The following SLC39A11 variants were observed in gnomAD, a reference collection of about 807,000 sequenced individuals.
The protein encoded by SLC39A11 is solute carrier family 39 member 11.
A neutral mutation model predicts 36.1 loss-of-function variants in SLC39A11; 33 were observed. The observed-to-expected ratio is 0.91, with a 90% confidence interval of 0.69 to 1.22. The LOEUF (loss-of-function observed/expected upper bound fraction) is 1.22. Among genes scored for constraint, SLC39A11 ranks in the 50% most tolerant of loss-of-function variants. The pLI is 0.00. For missense variants in SLC39A11, 432 were observed against 430.3 expected (o/e 1.00, Z -0.03); for synonymous variants, 166 against 170.3 (o/e 0.97, Z 0.20).
chr17:72,900,226 A>AAAGG lies in SLC39A11; in HGVS notation c.430+47525_430+47526insCCTT, dbSNP rs1167967388. On this transcript the variant is annotated intron_variant, in intron 5 of 9. Transcript: ENST00000255559. ...GAAAGAAAGAAAGAAAGAAAGAAAG[A>AAAGG]AAGAAAAAGACAGCAAGGCAAGGAG... Among the ~76,000 whole-genome samples, 49 of 151,246 alleles carry AAAGG rather than the reference A, an allele frequency of 3.2e-4. 2 individuals are homozygous for AAAGG. The South Asian group carries it at 3.6e-3, about 11-fold the overall frequency.
Position 72,990,414 on chromosome 17 carries a change from AT to A in SLC39A11, c.306+41141del, listed in dbSNP as rs905569371. On this transcript the variant is annotated intron_variant, in intron 4 of 9. Coordinates refer to ENST00000255559, the MANE Select transcript of SLC39A11 (RefSeq NM_139177.4). Reference sequence around the variant, plus strand: ...AAACACATTTCCTTTTCCTATCAGGATTTTTTTTCTCTCTCTTTTTCAAGAT... The same window carrying A: ...AAACACATTTCCTTTTCCTATCAGGATTTTTTTCTCTCTCTTTTTCAAGAT... 2.6e-5 allele frequency among the ~76,000 whole-genome samples: 4 copies of A among 152,052 alleles called. No homozygotes were observed. The South Asian group carries it at 8.3e-4, about 32-fold the overall frequency.
intron 4 of SLC39A11, among the ~76,000 whole-genome samples, chr17:73,004,236 G>GAAAGA (rs1598809773): frequency 7.0e-6 from 1 of 143,412 alleles, no homozygotes; most frequent in African/African-American, 2.5e-5. Context: ...AGAAAGAAAA[G>GAAAGA]AAAGAAAGAG....
At chr17:73,049,654 A>T (rs2059429827) in intron 3 of SLC39A11, among the ~76,000 whole-genome samples, 1 of 152,200 alleles carries the variant, frequency 6.6e-6, no homozygotes, top group Admixed American at 6.5e-5. Flanking sequence ...CAGCATTAAT[A>T]AATTCTGCAA....
At chr17:72,865,410 C>G (rs1281221607) in intron 5 of SLC39A11, among the ~76,000 whole-genome samples, 3 of 92,244 alleles carry the variant, frequency 3.3e-5, no homozygotes, top group Admixed American at 2.3e-4. Flanking sequence ...AAAAACTGCT[C>G]GAAAAAAAAA....
At chr17:72,678,234 C>A (rs752876610) in intron 7 of SLC39A11, among the ~76,000 whole-genome samples, 18 of 152,192 alleles carry the variant, frequency 1.2e-4, no homozygotes, top group Non-Finnish European at 2.4e-4. Context: ...ATTTAAGTGC[C>A]TTGTGGGTTA....
At chr17:73,041,016 A>AAAAAAC (rs1568173352) in intron 3 of SLC39A11, among the ~76,000 whole-genome samples, 3 of 100,556 alleles carry the variant, frequency 3.0e-5, no homozygotes, top group East Asian at 3.7e-4. Flanking sequence ...AAACAAAAAA[A>AAAAAAC]AAAAACAGTA....
At chr17:72,682,528 G>T (rs116765289) in intron 7 of SLC39A11, among the ~76,000 whole-genome samples, 1 of 152,172 alleles carries the variant, frequency 6.6e-6, no homozygotes, top group Non-Finnish European at 1.5e-5. Flanking sequence ...GGAGGGGGCC[G>T]GTGCCCCCAA....
chr17:73,036,378 G>A (rs1014794897), intron 3 of SLC39A11, among the ~76,000 whole-genome samples: 1 of 152,088 alleles, frequency 6.6e-6, no homozygotes, highest in Non-Finnish European at 1.5e-5. Context: ...AATTGATACA[G>A]CTGATGAACC....
chr17:73,001,327 G>A (rs996700137), intron 4 of SLC39A11, among the ~76,000 whole-genome samples: 5 of 145,172 alleles, frequency 3.4e-5, no homozygotes, highest in African/African-American at 1.3e-4. Context: ...TCTGGAACTA[G>A]AACCTGACTG....
intron 6 of SLC39A11, among the ~76,000 whole-genome samples, chr17:72,796,225 G>A (rs529075473): frequency 4.6e-5 from 7 of 152,172 alleles, no homozygotes; most frequent in East Asian, 1.9e-4. Flanking sequence ...TCCAACACAC[G>A]AGACAGAAGA....
chr17:73,004,827 T>C (rs2090093261), intron 4 of SLC39A11, among the ~76,000 whole-genome samples: 2 of 152,170 alleles, frequency 1.3e-5, no homozygotes, highest in Non-Finnish European at 2.9e-5. Flanking sequence ...TTCTGGCCCA[T>C]TCCCTTGGGA....
intron 6 of SLC39A11, among the ~76,000 whole-genome samples, chr17:72,824,992 T>C (rs1321241199): frequency 6.6e-6 from 1 of 151,336 alleles, no homozygotes; most frequent in African/African-American, 2.4e-5. Context: ...AAACCCATTT[T>C]CTAGGGAAAA....
At chr17:72,723,621 C>A (rs2143641373) in intron 7 of SLC39A11, among the ~76,000 whole-genome samples, 1 of 152,272 alleles carries the variant, frequency 6.6e-6, no homozygotes, top group Non-Finnish European at 1.5e-5. Flanking sequence ...TGAGGTGATA[C>A]ATTTACTTTT....
chr17:72,864,583 T>C (rs1282615635), intron 5 of SLC39A11, among the ~76,000 whole-genome samples: 4 of 152,248 alleles, frequency 2.6e-5, no homozygotes, highest in Non-Finnish European at 5.9e-5. Flanking sequence ...AAAACGTGTC[T>C]TGGGGTCGAT....
chr17:72,863,611 AC>A (rs1238558479), intron 5 of SLC39A11, among the ~76,000 whole-genome samples: 1 of 151,960 alleles, frequency 6.6e-6, no homozygotes, highest in African/African-American at 2.4e-5. Flanking sequence ...GCAAGTTCTG[AC>A]CTCCTCACTG....
At chr17:73,001,220 A>T (rs1394927745) in intron 4 of SLC39A11, among the ~76,000 whole-genome samples, 4 of 151,536 alleles carry the variant, frequency 2.6e-5, no homozygotes, top group African/African-American at 9.7e-5. Context: ...GTGATACCTT[A>T]GAGTTCTCTT....
intron 5 of SLC39A11, among the ~76,000 whole-genome samples, chr17:72,896,232 C>T (rs1458890474): frequency 1.5e-4 from 17 of 114,172 alleles, no homozygotes; most frequent in Non-Finnish European, 2.0e-4. Context: ...GACAGAGTCT[C>T]GCTCTGTCAC....
chr17:72,795,929 C>A (rs141824128), intron 6 of SLC39A11, among the ~76,000 whole-genome samples: 1 of 152,028 alleles, frequency 6.6e-6, no homozygotes, highest in African/African-American at 2.4e-5. Flanking sequence ...GATGAATAAG[C>A]AAATGAGCAA....
At chr17:72,733,913 G>A (rs573514293) in intron 7 of SLC39A11, among the ~76,000 whole-genome samples, 74 of 152,232 alleles carry the variant, frequency 4.9e-4, no homozygotes, top group Middle Eastern at 3.4e-3. Flanking sequence ...ATGCTGGTTC[G>A]AAAGCCCCAG....
Sources: allele counts gnomAD v4.1 joint callset (sites outside exome capture counted in the v4.1 genomes callset), GRCh38; gene constraint gnomAD v4.1.1; transcripts MANE v1.5; gene names NCBI Gene and HGNC (gene_info 2026-07-23, HGNC 2026-07-21).